Variants in SEMA5A observed in about 807,000 individuals in gnomAD.
The protein encoded by SEMA5A is semaphorin 5A.
In SEMA5A, 55 loss-of-function variants were observed where a neutral mutation model predicts 135.5. The ratio of observed to expected loss-of-function variants is 0.41; its 90% confidence interval spans 0.33 to 0.51. The LOEUF (loss-of-function observed/expected upper bound fraction) is 0.51. Ranked by LOEUF, SEMA5A falls within the 20% of genes least tolerant of loss-of-function variation. The pLI is 0.37. For synonymous variants in SEMA5A, 580 were observed against 546.5 expected, an observed-to-expected ratio of 1.06 and a Z score of -0.85; for missense variants, 1,290 against 1,419.9, an observed-to-expected ratio of 0.91 and a Z score of 1.47.
At chr5:9,295,182 C>T (rs886473343) in intron 5 of SEMA5A, among the ~76,000 whole-genome samples, 4 of 152,186 alleles carry the variant, frequency 2.6e-5, no homozygotes, top group Non-Finnish European at 5.9e-5. Flanking sequence ...CCCGCTACCC[C>T]AAATTCTTAT....
intron 11 of SEMA5A, 39 bp from the exon 12 acceptor site, chr5:9,154,734 G>A (rs552046287): frequency 5.4e-5 from 85 of 1,571,892 alleles, no homozygotes; most frequent in African/African-American, 1.8e-4. Context: ...CAAGGTCAGA[G>A]GGTCTCACAA....
intron 1 of SEMA5A, among the ~76,000 whole-genome samples, chr5:9,533,032 T>C (rs552590111): frequency 5.9e-5 from 9 of 152,354 alleles, no homozygotes; most frequent in African/African-American, 2.2e-4. Flanking sequence ...ATAGAGGTTA[T>C]TCTTTTGTTT....
chr5:9,297,472 C>A (rs535260638), intron 5 of SEMA5A, among the ~76,000 whole-genome samples: 3 of 152,170 alleles, frequency 2.0e-5, no homozygotes, highest in Non-Finnish European at 4.4e-5. Context: ...TATGTGTGTG[C>A]CCTCAGCAGA....
chr5:9,190,368 G>A lies in SEMA5A; in HGVS notation c.1172C>T (p.Thr391Ile), dbSNP rs142577328. Residue 391 changes from threonine to isoleucine, a missense_variant, in exon 11 of 23, where the codon ACA becomes ATA. Transcript: ENST00000382496. ...ATTGTCCTCCATGAAGGAGGGCACTGTGGTCACTGGCTGTACCACCTCATG... is the reference window on the plus strand; with the variant it reads ...ATTGTCCTCCATGAAGGAGGGCACTATGGTCACTGGCTGTACCACCTCATG... ...LMHEVVQPVT[T>I]VPSFMEDNSR... The A allele has an allele frequency of 6.2e-6, 10 of 1,614,030 alleles. No homozygotes were observed. In the African/African-American group the frequency reaches 1.2e-4, roughly 19 times the overall value.
intron 5 of SEMA5A, among the ~76,000 whole-genome samples, chr5:9,289,380 C>A (rs1750958621): frequency 6.6e-6 from 1 of 152,142 alleles, no homozygotes; most frequent in Admixed American, 6.5e-5. Context: ...TTAAAAACTT[C>A]TATAACTGAA....
intron 2 of SEMA5A, among the ~76,000 whole-genome samples, chr5:9,394,163 G>A (rs1203353052): frequency 2.0e-5 from 3 of 152,120 alleles, no homozygotes; most frequent in Non-Finnish European, 4.4e-5. Context: ...GTATTCCCCA[G>A]GATCAAGCCC....
intron 1 of SEMA5A, among the ~76,000 whole-genome samples, chr5:9,491,059 C>A (rs1471987736): frequency 1.3e-5 from 2 of 152,106 alleles, no homozygotes; most frequent in African/African-American, 4.8e-5. Context: ...GAGTCTCCAC[C>A]CACAGAGACA....
intron 5 of SEMA5A, among the ~76,000 whole-genome samples, chr5:9,311,625 G>A (rs941310214): frequency 6.6e-6 from 1 of 151,604 alleles, no homozygotes; most frequent in Non-Finnish European, 1.5e-5. Flanking sequence ...GATAACATTA[G>A]GAGATATACC....
chr5:9,202,087 G>C lies in SEMA5A; in HGVS notation c.800C>G (p.Thr267Ser). The C allele has an allele frequency of 1.9e-6, 3 of 1,614,180 alleles. No homozygotes were observed. Among genetic ancestry groups the C allele is most frequent in the Non-Finnish European group, 2.5e-6 (3 of 1,180,036 alleles). Residue 267 changes from threonine to serine, a missense_variant, in exon 9 of 23, where the codon ACC becomes AGC. By Grantham distance (58) the Thr-to-Ser change is moderately conservative. Around this residue, in one of 3 missense-constraint regions of SEMA5A, gnomAD observed 1,029 missense variants for 1,086.6 expected, o/e 0.95. Transcript: ENST00000382496. ...DIGGRFLLEDTWTTFMKARLN... is the reference protein window; with the variant it reads ...DIGGRFLLEDSWTTFMKARLN... ...GCGAGCCTTCATGAATGTGGTCCAGGTGTCTTCCAGCAGGAAGCGCCCACC... is the reference window on the plus strand; with the variant it reads ...GCGAGCCTTCATGAATGTGGTCCAGCTGTCTTCCAGCAGGAAGCGCCCACC...
chr5:9,066,620 C>T lies in SEMA5A; in HGVS notation c.2100G>A (p.Pro700=), dbSNP rs377543647. 189 of 1,614,046 alleles carry T rather than the reference C, an allele frequency of 1.2e-4. 1 individual carries two copies. In the East Asian group the frequency reaches 1.4e-3, roughly 12 times the overall value. The change falls in exon 17 of 23, where the codon CCG becomes CCA. Residue 700 remains proline, a synonymous_variant. Transcript: ENST00000382496. Reference sequence around the variant, plus strand: ...GCGTGGTCTTCTTCAGCTCAGGACACGGGTTGGTGTTGCAAGACTGGTACT... The same window carrying T: ...GCGTGGTCTTCTTCAGCTCAGGACATGGGTTGGTGTTGCAAGACTGGTACT... ...NVEYQSCNTN[P]CPELKKTTPW...
intron 16 of SEMA5A, among the ~76,000 whole-genome samples, chr5:9,096,034 C>T (rs1003735944): frequency 2.2e-4 from 34 of 152,270 alleles, no homozygotes; most frequent in African/African-American, 7.0e-4. Flanking sequence ...GCCCAGAAGA[C>T]GGCTAGTAGG....
chr5:9,159,450 GA>G (rs1344406182), intron 11 of SEMA5A, among the ~76,000 whole-genome samples: 2 of 152,098 alleles, frequency 1.3e-5, no homozygotes, highest in Admixed American at 1.3e-4. Flanking sequence ...AATGAATGCT[GA>G]AAAAAGCTCA....
At chr5:9,348,787 C>T (rs1010028488) in intron 3 of SEMA5A, among the ~76,000 whole-genome samples, 11 of 152,174 alleles carry the variant, frequency 7.2e-5, no homozygotes, top group African/African-American at 2.4e-4. Flanking sequence ...AGCCAGAAGA[C>T]TGACAGCAAA....
chr5:9,321,977 A>T (rs1472370587), intron 4 of SEMA5A, among the ~76,000 whole-genome samples: 2 of 152,212 alleles, frequency 1.3e-5, no homozygotes, highest in African/African-American at 4.8e-5. Context: ...ACGATAGCAC[A>T]GTCTGCAGTG....
intron 3 of SEMA5A, among the ~76,000 whole-genome samples, chr5:9,344,591 A>C (rs767369301): frequency 1.3e-5 from 2 of 152,134 alleles, no homozygotes; most frequent in Non-Finnish European, 2.9e-5. Context: ...ACAGAAAGAA[A>C]CCAGGGCACA....
At chr5:9,146,774 G>T (rs1467735375) in intron 12 of SEMA5A, among the ~76,000 whole-genome samples, 1 of 152,114 alleles carries the variant, frequency 6.6e-6, no homozygotes, top group Non-Finnish European at 1.5e-5. Flanking sequence ...TGTTTGGCAT[G>T]TATTGAGTTC....
At chr5:9,308,094 G>C (rs1408834679) in intron 5 of SEMA5A, among the ~76,000 whole-genome samples, 1 of 152,042 alleles carries the variant, frequency 6.6e-6, no homozygotes, top group Non-Finnish European at 1.5e-5. Flanking sequence ...GTGTCTGTTC[G>C]GTCAGAGTCA....
At chr5:9,369,750 G>T (rs10491234) in intron 3 of SEMA5A, among the ~76,000 whole-genome samples, 2 of 151,034 alleles carry the variant, frequency 1.3e-5, no homozygotes, top group African/African-American at 4.9e-5. Flanking sequence ...TTGTAGTGTA[G>T]GTCTTCCAAC....
intron 5 of SEMA5A, among the ~76,000 whole-genome samples, chr5:9,254,124 C>T (rs1748939313): frequency 6.6e-6 from 1 of 152,162 alleles, no homozygotes; most frequent in Non-Finnish European, 1.5e-5. Flanking sequence ...AATATTCCTA[C>T]ATAGTCAGTG....
Sources: allele counts gnomAD v4.1 joint callset (sites outside exome capture counted in the v4.1 genomes callset), GRCh38; gene constraint gnomAD v4.1.1; regional missense constraint gnomAD v4.1.1; transcripts MANE v1.5; gene names NCBI Gene and HGNC (gene_info 2026-07-23, HGNC 2026-07-21).